Variants in C13orf46 observed in about 807,000 individuals in gnomAD.
C13orf46 encodes uncharacterized protein C13orf46.
At chr13:113,945,685 A>T in the C13orf46 span, among the ~76,000 whole-genome samples, 1 of 150,444 alleles carries the variant, frequency 6.6e-6, no homozygotes, top group Non-Finnish European at 1.5e-5. Flanking sequence ...AAGAAAAACA[A>T]ACCAAGTCTT....
chr13:113,962,199 C>T (rs1361775821), intron 6 of C13orf46, among the ~76,000 whole-genome samples: 3 of 152,078 alleles, frequency 2.0e-5, no homozygotes, highest in Admixed American at 6.5e-5. Context: ...GTCAGGAGAT[C>T]GAGACCATCC....
the C13orf46 span, among the ~76,000 whole-genome samples, chr13:113,936,630 G>A: frequency 5.5e-4 from 84 of 152,248 alleles, 1 homozygote; most frequent in Non-Finnish European, 9.1e-4. Context: ...ACTCACATCA[G>A]CCTCCCTGAA....
chr13:113,973,592 G>A (rs1017469511), intron 1 of C13orf46, among the ~76,000 whole-genome samples: 2 of 152,174 alleles, frequency 1.3e-5, no homozygotes, highest in Admixed American at 6.5e-5. Flanking sequence ...GGTGCTGATT[G>A]ATGCCCCACG....
the C13orf46 span, among the ~76,000 whole-genome samples, chr13:113,931,766 C>G: frequency 3.3e-5 from 5 of 152,330 alleles, no homozygotes; most frequent in Admixed American, 6.5e-5. Context: ...TCTTTACGGT[C>G]AGATGTCATT....
At chr13:113,930,558 TG>T in the C13orf46 span, among the ~76,000 whole-genome samples, 1 of 152,282 alleles carries the variant, frequency 6.6e-6, no homozygotes, top group South Asian at 2.1e-4. Context: ...GTCAGAGTCC[TG>T]GGGGGTTGTG....
chr13:113,958,003 GCACAC>G (rs2052555029), intron 6 of C13orf46, among the ~76,000 whole-genome samples: 1 of 136,992 alleles, frequency 7.3e-6, no homozygotes, highest in Non-Finnish European at 1.5e-5. Flanking sequence ...CTTTCATCAA[GCACAC>G]TGGGGGATCT....
chr13:113,937,233 C>T, the C13orf46 span, among the ~76,000 whole-genome samples: 15 of 152,286 alleles, frequency 9.8e-5, no homozygotes, highest in East Asian at 7.7e-4. Flanking sequence ...GTGGCATCCC[C>T]GGTCCGAGGC....
At chr13:113,932,132 G>A in the C13orf46 span, among the ~76,000 whole-genome samples, 1 of 152,216 alleles carries the variant, frequency 6.6e-6, no homozygotes, top group Non-Finnish European at 1.5e-5. Context: ...TTGCATGGGT[G>A]TATCATAATT....
At chr13:113,945,210 C>T in the C13orf46 span, among the ~76,000 whole-genome samples, 1 of 152,106 alleles carries the variant, frequency 6.6e-6, no homozygotes, top group Non-Finnish European at 1.5e-5. Flanking sequence ...GGCATCTTCC[C>T]GGGAACAGCA....
At chr13:113,962,058 G>T (rs1188872007) in intron 6 of C13orf46, among the ~76,000 whole-genome samples, 3 of 152,216 alleles carry the variant, frequency 2.0e-5, no homozygotes, top group African/African-American at 7.2e-5. Context: ...TGTTGGGCAG[G>T]TACAGGAAAA....
intron 1 of C13orf46, among the ~76,000 whole-genome samples, chr13:113,971,563 G>GCC (rs1363369573): frequency 1.3e-5 from 2 of 152,224 alleles, no homozygotes; most frequent in East Asian, 3.9e-4. Context: ...TCTCTGGGCT[G>GCC]CCCTCCGTGA....
chr13:113,946,140 C>T, the C13orf46 span, among the ~76,000 whole-genome samples: 7 of 152,328 alleles, frequency 4.6e-5, no homozygotes, highest in Non-Finnish European at 8.8e-5. Flanking sequence ...CAGTGCAGAA[C>T]GGGTTTGGAT....
the C13orf46 span, among the ~76,000 whole-genome samples, chr13:113,947,500 G>A: frequency 3.3e-5 from 5 of 152,130 alleles, no homozygotes; most frequent in African/African-American, 1.2e-4. Context: ...AGGGAGCTCA[G>A]GGCCTGATGG....
At chr13:113,968,846 G>C (rs2052675993) in intron 2 of C13orf46, 86 bp from the exon 3 acceptor site, 1 of 152,344 alleles carries the variant, frequency 6.6e-6, no homozygotes, top group Admixed American at 6.5e-5. Flanking sequence ...TGTCTCCTTG[G>C]GCTTGAGGCT....
chr13:113,936,848 G>T, the C13orf46 span, among the ~76,000 whole-genome samples: 1 of 151,850 alleles, frequency 6.6e-6, no homozygotes, highest in Non-Finnish European at 1.5e-5. Context: ...AACCTGAAAA[G>T]ACATCTCAAA....
chr13:113,973,280 C>G (rs543642417), intron 1 of C13orf46, among the ~76,000 whole-genome samples: 1 of 152,280 alleles, frequency 6.6e-6, no homozygotes, highest in South Asian at 2.1e-4. Context: ...TGGGAATGCA[C>G]GTGGACAGCT....
the C13orf46 span, among the ~76,000 whole-genome samples, chr13:113,947,790 GC>G: frequency 2.0e-5 from 3 of 152,218 alleles, no homozygotes; most frequent in African/African-American, 7.2e-5. Flanking sequence ...AAGCACACAG[GC>G]TGACCCCGTG....
At chr13:113,947,366 A>T in the C13orf46 span, among the ~76,000 whole-genome samples, 1 of 152,126 alleles carries the variant, frequency 6.6e-6, no homozygotes, top group Non-Finnish European at 1.5e-5. Flanking sequence ...AAAGACCCAG[A>T]ACCCGCTCCA....
At chr13:113,964,258 C>T (rs1243336306) in intron 6 of C13orf46, among the ~76,000 whole-genome samples, 4 of 152,142 alleles carry the variant, frequency 2.6e-5, no homozygotes, top group African/African-American at 9.6e-5. Flanking sequence ...TGGACAATTG[C>T]TTTTTGTATT....
Sources: allele counts gnomAD v4.1 joint callset (sites outside exome capture counted in the v4.1 genomes callset), GRCh38; gene constraint gnomAD v4.1.1; transcripts MANE v1.5; gene names NCBI Gene and HGNC (gene_info 2026-07-23, HGNC 2026-07-21).